The following TXNRD1 variants were observed in gnomAD, a reference collection of about 807,000 sequenced individuals.
The protein encoded by TXNRD1 is thioredoxin reductase 1, cytoplasmic.
TXNRD1 carries 57 observed loss-of-function variants against 80.3 expected under a neutral mutation model. That is an observed-to-expected ratio of 0.71 (90% CI 0.57 to 0.89). The LOEUF (loss-of-function observed/expected upper bound fraction) is 0.89. Ranked by LOEUF, TXNRD1 falls within the 40% of genes least tolerant of loss-of-function variation. TXNRD1 has a pLI of 0.00. For synonymous variants in TXNRD1, 291 were observed against 285.2 expected (o/e 1.02, Z -0.20); for missense variants, 730 against 803.0 (o/e 0.91, Z 1.10).
At chr12:104,253,155 TTC>T (rs1226111464) in intron 2 of TXNRD1, among the ~76,000 whole-genome samples, 2 of 152,114 alleles carry the variant, frequency 1.3e-5, no homozygotes, top group African/African-American at 4.8e-5. Context: ...CTCTCTCTGT[TTC>T]TCTCTCTCGT....
chr12:104,322,045 G>C (rs2035549036), intron 10 of TXNRD1, among the ~76,000 whole-genome samples: 1 of 149,900 alleles, frequency 6.7e-6, no homozygotes, highest in South Asian at 2.1e-4. Context: ...TTGTGTATGT[G>C]ACTATGGATC....
At chr12:104,238,771 A>G (rs2135691072) in intron 1 of TXNRD1, among the ~76,000 whole-genome samples, 1 of 151,998 alleles carries the variant, frequency 6.6e-6, no homozygotes. Flanking sequence ...ATTTTTATAT[A>G]TTGCTGGATT....
intron 1 of TXNRD1, among the ~76,000 whole-genome samples, chr12:104,239,221 T>A (rs1462886618): frequency 1.3e-5 from 2 of 151,536 alleles, no homozygotes; most frequent in African/African-American, 4.9e-5. Context: ...GAGACGGAGT[T>A]TCGCTCTTGC....
chr12:104,267,806 C>T (rs1357872833), intron 3 of TXNRD1, among the ~76,000 whole-genome samples: 1 of 142,806 alleles, frequency 7.0e-6, no homozygotes, highest in Non-Finnish European at 1.5e-5. Context: ...TTCTTTCCTT[C>T]CTTCCTTCCT....
At chr12:104,314,305 T>G (rs2035238885) in intron 6 of TXNRD1, among the ~76,000 whole-genome samples, 1 of 152,208 alleles carries the variant, frequency 6.6e-6, no homozygotes, top group Admixed American at 6.5e-5. Context: ...ATATAAGATT[T>G]TTTAAAGATT....
At chr12:104,327,159 A>G (rs938690089) in intron 12 of TXNRD1, among the ~76,000 whole-genome samples, 3 of 152,214 alleles carry the variant, frequency 2.0e-5, no homozygotes, top group African/African-American at 7.2e-5. Flanking sequence ...AACTATGAAG[A>G]AATGAAACTT....
chr12:104,303,983 A>T, intron 4 of TXNRD1: 1 of 1,607,878 alleles, frequency 6.2e-7, no homozygotes, highest in Non-Finnish European at 8.5e-7. Context: ...CGACGACCTC[A>T]GCTCTGGGGA....
intron 3 of TXNRD1, among the ~76,000 whole-genome samples, chr12:104,283,574 T>C (rs1241517300): frequency 6.6e-6 from 1 of 151,738 alleles, no homozygotes; most frequent in Non-Finnish European, 1.5e-5. Flanking sequence ...CTTAACACAT[T>C]TAAAATGAAA....
chr12:104,341,429 G>A (rs990031465), intron 16 of TXNRD1, among the ~76,000 whole-genome samples: 1 of 152,204 alleles, frequency 6.6e-6, no homozygotes, highest in East Asian at 1.9e-4. Context: ...AAGCTTAGGA[G>A]GAGAGGAGGC....
chr12:104,252,046 A>G (rs2033129248), intron 2 of TXNRD1, among the ~76,000 whole-genome samples: 1 of 149,114 alleles, frequency 6.7e-6, no homozygotes, highest in Admixed American at 6.7e-5. Flanking sequence ...CTTGGGGGAC[A>G]GAGTCAGACT....
chr12:104,311,521 T>C, intron 5 of TXNRD1, 109 bp downstream of exon 5: 1 of 1,380,994 alleles, frequency 7.2e-7, no homozygotes. Context: ...GATCCACTCC[T>C]GTGACATTTT....
At chr12:104,309,973 T>A (rs1200779700) in intron 4 of TXNRD1, 1 of 1,536,276 alleles carries the variant, frequency 6.5e-7, no homozygotes, top group Admixed American at 2.0e-5. Context: ...CTGTGCTTCC[T>A]CCTTCACATT....
At chr12:104,343,142 A>G (rs1294319702) in intron 16 of TXNRD1, among the ~76,000 whole-genome samples, 1 of 152,174 alleles carries the variant, frequency 6.6e-6, no homozygotes, top group Non-Finnish European at 1.5e-5. Context: ...CTGCCTGTTG[A>G]CTAACTTAGT....
chr12:104,230,540 T>G (rs12823979), intron 1 of TXNRD1, among the ~76,000 whole-genome samples: 1 of 152,368 alleles, frequency 6.6e-6, no homozygotes, highest in Non-Finnish European at 1.5e-5. Flanking sequence ...TATCTCACTG[T>G]GGTTTGATTT....
At chr12:104,295,716 G>A (rs2034413860) in intron 4 of TXNRD1, among the ~76,000 whole-genome samples, 1 of 152,098 alleles carries the variant, frequency 6.6e-6, no homozygotes, top group African/African-American at 2.4e-5. Context: ...CAAGACCAAA[G>A]TTTTCCATTC....
chr12:104,261,718 A>T (rs1426439885), intron 3 of TXNRD1, among the ~76,000 whole-genome samples: 1 of 152,206 alleles, frequency 6.6e-6, no homozygotes, highest in Non-Finnish European at 1.5e-5. Context: ...TGCTAAAAAA[A>T]TTCAAAAAAA....
intron 2 of TXNRD1, among the ~76,000 whole-genome samples, chr12:104,253,768 G>T (rs1418460276): frequency 1.3e-5 from 2 of 151,610 alleles, no homozygotes; most frequent in Non-Finnish European, 2.9e-5. Context: ...ATCTCGGCTC[G>T]CTGCAACCTC....
intron 1 of TXNRD1, among the ~76,000 whole-genome samples, chr12:104,237,452 C>T (rs1429099583): frequency 2.0e-5 from 3 of 152,108 alleles, no homozygotes; most frequent in Non-Finnish European, 4.4e-5. Context: ...TAGTATCTTC[C>T]TCCTTTTGGG....
At chr12:104,245,392 C>T (rs866243783) in intron 1 of TXNRD1, among the ~76,000 whole-genome samples, 1 of 150,960 alleles carries the variant, frequency 6.6e-6, no homozygotes, top group Non-Finnish European at 1.5e-5. Context: ...AGGCACATGT[C>T]GGTAATCCCA....
Sources: gnomAD v4.1 joint callset for allele counts (sites outside exome capture counted in the v4.1 genomes callset) on GRCh38, gnomAD v4.1.1 for gene constraint, MANE v1.5 for transcripts, NCBI Gene and HGNC (gene_info 2026-07-23, HGNC 2026-07-21) for gene names.